The following FKTN variants were observed in gnomAD, a reference collection of about 807,000 sequenced individuals.
FKTN encodes the protein fukutin.
In FKTN, 47 loss-of-function variants were observed where a neutral mutation model predicts 58.6. That is an observed-to-expected ratio of 0.80 (90% CI 0.63 to 1.02). The LOEUF is 1.02. Among genes scored for constraint, FKTN ranks in the 50% least tolerant of loss-of-function variants. The pLI is 0.00. For synonymous variants in FKTN, 178 were observed against 191.9 expected, an observed-to-expected ratio of 0.93 and a Z score of 0.60; for missense variants, 516 against 537.3, an observed-to-expected ratio of 0.96 and a Z score of 0.39.
At chr9:105,624,879 G>C (rs1832561946) in intron 10 of FKTN, among the ~76,000 whole-genome samples, 1 of 152,132 alleles carries the variant, frequency 6.6e-6, no homozygotes, top group South Asian at 2.1e-4. Context: ...TAGAAGACCT[G>C]AATTCAAATC....
chr9:105,606,400 A>C (rs1213607489), intron 6 of FKTN, among the ~76,000 whole-genome samples: 2 of 152,004 alleles, frequency 1.3e-5, no homozygotes, highest in Admixed American at 1.3e-4. Context: ...GATTAGCTAT[A>C]GTTTATAATA....
At chr9:105,572,324 T>G (rs1295895438) in intron 1 of FKTN, among the ~76,000 whole-genome samples, 1 of 152,054 alleles carries the variant, frequency 6.6e-6, no homozygotes, top group Non-Finnish European at 1.5e-5. Context: ...AAACCAAGAC[T>G]TGATTTTAAG....
At chr9:105,585,383 C>T (rs1587966917) in intron 3 of FKTN, among the ~76,000 whole-genome samples, 1 of 152,210 alleles carries the variant, frequency 6.6e-6, no homozygotes, top group African/African-American at 2.4e-5. Context: ...CTAAGATCTG[C>T]ACTCCAGGAT....
rs561667281 is a variant in FKTN, at chr9:105,602,578, C to T, written c.369+1230C>T. 2.2e-4 allele frequency among the ~76,000 whole-genome samples: 34 copies of T among 152,282 alleles called. No individual in the cohort carries two copies. In the South Asian group the frequency reaches 3.9e-3, roughly 18 times the overall value. The stretch of plus-strand genomic sequence containing the variant: ...TTGTTTTTGTTTTTGTTTTTTGAGA[C>T]GGAGTCTCGCTGTGTCACCCAGGCT... On this transcript the variant is annotated intron_variant, in intron 5 of 10. Transcript: ENST00000357998.
chr9:105,615,234 A>G, intron 7 of FKTN, 44 bp from the exon 8 acceptor site: 1 of 1,605,290 alleles, frequency 6.2e-7, no homozygotes. Flanking sequence ...GTTCCTAGCA[A>G]TTTAGAAATG....
intron 3 of FKTN, among the ~76,000 whole-genome samples, chr9:105,578,428 CAT>C (rs1842181837): frequency 7.8e-6 from 1 of 127,642 alleles, no homozygotes; most frequent in African/African-American, 3.0e-5. Flanking sequence ...TTGAGATAAT[CAT>C]GTGGTTTTTG....
chr9:105,639,549 A>G lies in FKTN; in HGVS notation c.*4285A>G, dbSNP rs943135674. 1.4e-5 allele frequency: 14 copies of G among 974,566 alleles called. No individual in the cohort carries two copies. In the African/African-American group the frequency reaches 2.1e-4, roughly 15 times the overall value. The allele number at this position is 974,566 out of a possible 1,614,324, so 60.4% of individuals were successfully genotyped here. A position where few individuals can be genotyped will look rare whatever the true frequency, so the allele number is the denominator to read the frequency against. On this transcript the variant is annotated 3_prime_UTR_variant, in exon 11 of 11. Transcript: ENST00000357998. The stretch of plus-strand genomic sequence containing the variant: ...AAGAAATGTGCAATTTTCTAGTTCC[A>G]TGTTTCTTTTCTAATCTTCAAATGG...
chr9:105,599,213 A>C (rs1827382336), intron 4 of FKTN, among the ~76,000 whole-genome samples: 1 of 152,104 alleles, frequency 6.6e-6, no homozygotes, highest in Non-Finnish European at 1.5e-5. Context: ...AATTTTGTCA[A>C]ATGCTTTTTT....
At chr9:105,577,682 G>A (rs1373771767) in intron 3 of FKTN, among the ~76,000 whole-genome samples, 1 of 151,302 alleles carries the variant, frequency 6.6e-6, no homozygotes, top group African/African-American at 2.5e-5. Flanking sequence ...GAACTTTAAA[G>A]TAGTTTTTTC....
rs548088686 is a variant in FKTN, at chr9:105,569,486, A to T, written c.-180-4169A>T. On this transcript the variant is annotated intron_variant, in intron 1 of 10. Transcript: ENST00000357998. ...AATTTGACCAAGAAAAGATGAAAGG[A>T]AACATAAAAGAATGTGTTCTTGGCT... Among the ~76,000 whole-genome samples the T allele has an allele frequency of 3.3e-5, 5 of 152,268 alleles. 1 individual carries two copies. In the South Asian group the frequency reaches 1.0e-3, roughly 32 times the overall value.
chr9:105,610,142 A>G (rs1396804653), intron 7 of FKTN, among the ~76,000 whole-genome samples: 1 of 151,506 alleles, frequency 6.6e-6, no homozygotes, highest in Non-Finnish European at 1.5e-5. Context: ...ACACTTTAGT[A>G]CTTTTTGGCA....
intron 4 of FKTN, among the ~76,000 whole-genome samples, chr9:105,598,995 A>C (rs994016849): frequency 6.6e-6 from 1 of 152,132 alleles, no homozygotes; most frequent in Admixed American, 6.5e-5. Context: ...ACTTCTAGTC[A>C]TCAAAAAACA....
At chr9:105,632,612 A>G (rs17250623) in intron 10 of FKTN, among the ~76,000 whole-genome samples, 37,889 of 151,784 alleles carry the variant, frequency 0.25, 5,212 homozygotes, top group Non-Finnish European at 0.31. Flanking sequence ...ATTGTAATTA[A>G]ACTGATGAAA....
chr9:105,584,311 T>C (rs4291335), intron 3 of FKTN, among the ~76,000 whole-genome samples: 118 of 152,298 alleles, frequency 7.7e-4, no homozygotes, highest in Non-Finnish European at 1.6e-3. Context: ...GTCCATACCA[T>C]ACAAACTGCC....
intron 10 of FKTN, among the ~76,000 whole-genome samples, chr9:105,624,638 A>G (rs1246441458): frequency 1.3e-5 from 2 of 151,756 alleles, no homozygotes; most frequent in Non-Finnish European, 2.9e-5. Context: ...AAAAAAAAAA[A>G]AAAGAAAAAG....
At chr9:105,620,341 T>G (rs1392095190) in intron 10 of FKTN, among the ~76,000 whole-genome samples, 1 of 152,334 alleles carries the variant, frequency 6.6e-6, no homozygotes, top group Middle Eastern at 3.4e-3. Flanking sequence ...AATGAGAACC[T>G]GAAGAGCATG....
chr9:105,590,152 G>C (rs903099312), intron 3 of FKTN, among the ~76,000 whole-genome samples: 1 of 152,060 alleles, frequency 6.6e-6, no homozygotes, highest in Non-Finnish European at 1.5e-5. Flanking sequence ...CCATGTGCTG[G>C]GGGGGGACCT....
rs1371400097 is a variant in FKTN at position 105,637,267 on chromosome 9, C to T, written c.*2003C>T. ...CCCATTCTTTGCCAGGAGATCTTAC[C>T]CATCCCTTTTCAGATTAATCTTTTA... On this transcript the variant is annotated 3_prime_UTR_variant, in exon 11 of 11. Transcript: ENST00000357998. 1.6e-5 allele frequency: 16 copies of T among 985,154 alleles called. No homozygotes were observed. The highest frequency in any genetic ancestry group is 1.9e-5 in the Non-Finnish European group (16 of 829,758). 61.0% of individuals were successfully genotyped at this position (985,154 alleles called of 1,614,324 possible). A position where few individuals can be genotyped will look rare whatever the true frequency, so the allele number is the denominator to read the frequency against.
chr9:105,586,607 G>T (rs1843951343), intron 3 of FKTN, among the ~76,000 whole-genome samples: 1 of 152,198 alleles, frequency 6.6e-6, no homozygotes, highest in Admixed American at 6.5e-5. Flanking sequence ...AGACATGGCA[G>T]CATCAATAAT....
Sources: gnomAD v4.1 joint callset for allele counts (sites outside exome capture counted in the v4.1 genomes callset) on GRCh38, gnomAD v4.1.1 for gene constraint, MANE v1.5 for transcripts, NCBI Gene and HGNC (gene_info 2026-07-23, HGNC 2026-07-21) for gene names.